The following LRFN5 variants were observed in gnomAD, a reference collection of about 807,000 sequenced individuals.
LRFN5 encodes the protein leucine-rich repeat and fibronectin type-III domain-containing protein 5.
Under a neutral mutation model 45.6 loss-of-function variants are expected in LRFN5, and 24 were observed. The ratio of observed to expected loss-of-function variants is 0.53; its 90% CI spans 0.38 to 0.74. The LOEUF (loss-of-function observed/expected upper bound fraction) is 0.74, where lower values mean the gene tolerates loss of function less well. LRFN5 is among the 30% of genes least tolerant of loss of function. LRFN5 has a pLI of 0.00. For missense variants in LRFN5, 776 were observed against 861.5 expected, an observed-to-expected ratio of 0.90 and a Z score of 1.24; for synonymous variants, 340 against 313.8, an observed-to-expected ratio of 1.08 and a Z score of -0.88.
intron 1 of LRFN5, among the ~76,000 whole-genome samples, chr14:41,668,273 A>G (rs1881000656): frequency 6.6e-6 from 1 of 152,172 alleles, no homozygotes; most frequent in East Asian, 1.9e-4. Context: ...GTATCACAAA[A>G]TAAGCCTCTT....
At chr14:41,720,705 T>C (rs1594644572) in intron 1 of LRFN5, among the ~76,000 whole-genome samples, 1 of 152,126 alleles carries the variant, frequency 6.6e-6, no homozygotes, top group African/African-American at 2.4e-5. Flanking sequence ...GAAACTATTT[T>C]ATATTGATAT....
intron 1 of LRFN5, among the ~76,000 whole-genome samples, chr14:41,660,404 G>A (rs1368736271): frequency 6.6e-6 from 1 of 152,050 alleles, no homozygotes; most frequent in Non-Finnish European, 1.5e-5. Context: ...TTGAACGTTT[G>A]CAAACAGTAG....
At chr14:41,732,178 T>C (rs2138795882) in intron 1 of LRFN5, among the ~76,000 whole-genome samples, 1 of 152,290 alleles carries the variant, frequency 6.6e-6, no homozygotes, top group Non-Finnish European at 1.5e-5. Context: ...TACATGTTCC[T>C]AGAGCAGCAT....
chr14:41,781,906 T>C (rs1886543158), intron 2 of LRFN5, among the ~76,000 whole-genome samples: 1 of 152,106 alleles, frequency 6.6e-6, no homozygotes, highest in Non-Finnish European at 1.5e-5. Context: ...GGAAGCCCAA[T>C]GCAATTCATA....
chr14:41,742,344 C>CAA (rs1250089587), intron 1 of LRFN5, among the ~76,000 whole-genome samples: 1 of 147,878 alleles, frequency 6.8e-6, no homozygotes, highest in Non-Finnish European at 1.5e-5. Flanking sequence ...CACACACACA[C>CAA]ACTAGAATAA....
At chr14:41,847,812 G>C (rs183143753) in intron 2 of LRFN5, among the ~76,000 whole-genome samples, 151 of 151,950 alleles carry the variant, frequency 9.9e-4, no homozygotes, top group African/African-American at 3.3e-3. Context: ...CTGTACATTT[G>C]CAATTAGATA....
intron 2 of LRFN5, among the ~76,000 whole-genome samples, chr14:41,817,156 C>T (rs985290495): frequency 1.3e-5 from 2 of 151,990 alleles, no homozygotes. Flanking sequence ...TTTTATATCT[C>T]TGCTTACATT....
rs1474922787 is a variant in LRFN5, at chr14:41,607,023, C to T, written c.-1736C>T. Among the ~76,000 whole-genome samples, 1 of 152,094 alleles carries T rather than the reference C, an allele frequency of 6.6e-6. No individual in the cohort carries two copies. The highest frequency in any genetic ancestry group is 1.5e-5 in the Non-Finnish European group (1 of 67,990). On this transcript the variant is annotated 5_prime_UTR_variant, in exon 1 of 6. Coordinates refer to ENST00000298119, the MANE Select transcript of LRFN5 (RefSeq NM_152447.5). ...AGCCCCGGACCTCGGCTGCTTGCCT[C>T]GCGCCTGAACTGCGGACTCGCCCCA... is the stretch of plus-strand genomic sequence containing the variant.
intron 2 of LRFN5, among the ~76,000 whole-genome samples, chr14:41,833,733 T>C (rs1268595608): frequency 6.6e-6 from 1 of 152,230 alleles, no homozygotes; most frequent in Non-Finnish European, 1.5e-5. Context: ...TTTTCTACTT[T>C]CTTAACTTTG....
intron 1 of LRFN5, among the ~76,000 whole-genome samples, chr14:41,741,925 T>G (rs1303635790): frequency 6.6e-6 from 1 of 151,356 alleles, no homozygotes; most frequent in African/African-American, 2.4e-5. Flanking sequence ...ATCCTCAATG[T>G]CTCTAATCAT....
intron 2 of LRFN5, among the ~76,000 whole-genome samples, chr14:41,884,872 T>C (rs1209986653): frequency 6.6e-6 from 1 of 152,128 alleles, no homozygotes. Flanking sequence ...TCTAAATATA[T>C]GTTTAAGTTA....
intron 1 of LRFN5, among the ~76,000 whole-genome samples, chr14:41,633,124 C>A (rs1219400736): frequency 6.6e-6 from 1 of 151,976 alleles, no homozygotes; most frequent in African/African-American, 2.4e-5. Flanking sequence ...AACCAAATGA[C>A]AGTCTTAAAC....
chr14:41,904,131 T>C, intron 5 of LRFN5, 27 bp from the exon 6 acceptor site: 2 of 1,557,336 alleles, frequency 1.3e-6, no homozygotes, highest in Non-Finnish European at 1.8e-6. Context: ...CTTTCTTTTT[T>C]TCCTTTTTCT....
intron 2 of LRFN5, among the ~76,000 whole-genome samples, chr14:41,797,778 G>A (rs1887182862): frequency 6.6e-6 from 1 of 151,608 alleles, no homozygotes; most frequent in South Asian, 2.1e-4. Context: ...ATATTCATTT[G>A]TTCCATTCAG....
chr14:41,633,647 T>G (rs993458633), intron 1 of LRFN5, among the ~76,000 whole-genome samples: 2 of 152,146 alleles, frequency 1.3e-5, no homozygotes, highest in Non-Finnish European at 2.9e-5. Flanking sequence ...TATGACATTA[T>G]GTGTCACAAA....
In LRFN5 at chr14:41,891,916, T is replaced by C. The variant is rs761531167; in HGVS notation, c.2052T>C (p.Asp684=). The C allele has an allele frequency of 4.3e-6, 7 of 1,613,996 alleles. No individual in the cohort carries two copies. The highest frequency in any genetic ancestry group is 4.2e-6 in the Non-Finnish European group (5 of 1,180,034). Residue 684 remains aspartate (D), a synonymous_variant, in exon 4 of 6, where the codon GAT becomes GAC. Coordinates refer to ENST00000298119, the MANE Select transcript of LRFN5 (RefSeq NM_152447.5). ...TALQLASRPP[D]SVTEGPTSKR... is the part of the protein sequence containing the mutation. ...TGCAGTTAGCTAGCCGTCCTCCCGA[T>C]TCTGTCACAGAGGGGCCCACGTCTA...
intron 1 of LRFN5, among the ~76,000 whole-genome samples, chr14:41,670,600 A>T (rs1357334624): frequency 6.6e-6 from 1 of 151,862 alleles, no homozygotes; most frequent in African/African-American, 2.4e-5. Context: ...ATGTGTGTAG[A>T]GTGAACCTTT....
chr14:41,770,725 C>G (rs1333362857), intron 2 of LRFN5, among the ~76,000 whole-genome samples: 1 of 152,110 alleles, frequency 6.6e-6, no homozygotes, highest in East Asian at 1.9e-4. Flanking sequence ...CAGTTGTATG[C>G]TTGTGGCTTT....
chr14:41,655,136 A>G (rs116432957), intron 1 of LRFN5, among the ~76,000 whole-genome samples: 1,756 of 152,162 alleles, frequency 0.012, 14 homozygotes, highest in Middle Eastern at 0.037. Context: ...GCTACGTACA[A>G]GACAAACTGT....
Sources: gnomAD v4.1 joint callset for allele counts (sites outside exome capture counted in the v4.1 genomes callset) on GRCh38, gnomAD v4.1.1 for gene constraint, MANE v1.5 for transcripts, NCBI Gene and HGNC (gene_info 2026-07-23, HGNC 2026-07-21) for gene names.